GRTP1: variants seen among roughly 807,000 people sequenced by gnomAD.
The protein encoded by GRTP1 is growth hormone regulated TBC protein 1, also known as growth hormone-regulated TBC protein 1.
GRTP1 carries 56 observed loss-of-function variants against 38.1 expected under a neutral mutation model. That is an observed-to-expected ratio of 1.47 (90% CI 1.19 to 1.84). The LOEUF (loss-of-function observed/expected upper bound fraction) is 1.84, where lower values mean the gene tolerates loss of function less well. Ranked by LOEUF, GRTP1 falls within the 40% of genes most tolerant of loss-of-function variation. The pLI is 0.00. For missense variants in GRTP1, 506 were observed against 453.9 expected (o/e 1.11, Z -1.04); for synonymous variants, 217 against 189.5 (o/e 1.14, Z -1.19).
chr13:113,327,606 T>G (rs1184210138), intron 5 of GRTP1, among the ~76,000 whole-genome samples: 2 of 152,232 alleles, frequency 1.3e-5, no homozygotes, highest in Non-Finnish European at 2.9e-5. Context: ...TACTAACGCC[T>G]CTGAAGGTGA....
intron 4 of GRTP1, 50 bp from the exon 5 acceptor site, chr13:113,345,009 A>G: frequency 6.4e-7 from 1 of 1,561,792 alleles, no homozygotes; most frequent in Admixed American, 2.0e-5. Context: ...TTAAGCCCCC[A>G]TTTGATTCTG....
chr13:113,358,416 C>T (rs2139533975), intron 2 of GRTP1, among the ~76,000 whole-genome samples: 1 of 152,240 alleles, frequency 6.6e-6, no homozygotes, highest in East Asian at 1.9e-4. Context: ...CTACAGATTC[C>T]TATATGCACC....
At position 113,350,764 on chromosome 13, in the gene GRTP1, G is replaced by A. The variant is rs1053976658; in HGVS notation, c.465+85C>T. 116 of 1,271,904 alleles carry A rather than the reference G, an allele frequency of 9.1e-5. 1 individual carries two copies. In the South Asian group the frequency reaches 1.1e-3, roughly 12 times the overall value. The allele number at this position is 1,271,904 out of a possible 1,614,324, so 78.8% of individuals were successfully genotyped here. A position where few individuals can be genotyped will look rare whatever the true frequency, so the allele number is the denominator to read the frequency against. ...ATTCATGAACAGGGTTGACAGAGAC[G>A]TGAGGCCGTCACTGCCGAGCCTGCA... On this transcript the variant is annotated intron_variant, in intron 4 of 7. Coordinates refer to ENST00000375431, the MANE Select transcript of GRTP1 (RefSeq NM_024719.4).
In GRTP1 at chr13:113,348,640, G is replaced by T. The variant is rs979462948; in HGVS notation, c.465+2209C>A. On this transcript the variant is annotated intron_variant, in intron 4 of 7. Transcript: ENST00000375431. This position sits in a 1 kb window ranked among gnomAD's most constrained non-coding sequence, Gnocchi z 4.8. ...TCCAAGCCTGGTGTCCTTGTCTTAC[G>T]TGGAGCTTTAGACACAGGCATGCAC... 3.9e-5 allele frequency among the ~76,000 whole-genome samples: 6 copies of T among 152,112 alleles called. No individual in the cohort carries two copies. The highest frequency in any genetic ancestry group is 3.3e-4 in the Admixed American group (5 of 15,272).
In GRTP1 at chr13:113,326,398, C is replaced by T. The variant is rs1269732945; in HGVS notation, c.563-307G>A. ...GCGGTGGGGGGGGGGGGGGCGGGAG[C>T]GTGGCTCACACCTGTAATCCCAGCA... is the stretch of plus-strand genomic sequence containing the variant. On this transcript the variant is annotated intron_variant, in intron 5 of 7. Transcript: ENST00000375431. 2.0e-4 allele frequency among the ~76,000 whole-genome samples: 12 copies of T among 60,950 alleles called. No individual in the cohort carries two copies. The East Asian group carries it at 4.0e-3, about 21-fold the overall frequency. The allele number at this position is 60,950 out of a possible 152,430, so 40.0% of individuals were successfully genotyped here. A position where few individuals can be genotyped will look rare whatever the true frequency, so the allele number is the denominator to read the frequency against.
chr13:113,329,135 G>C (rs1037215831), intron 5 of GRTP1, among the ~76,000 whole-genome samples: 1 of 152,158 alleles, frequency 6.6e-6, no homozygotes, highest in African/African-American at 2.4e-5. Flanking sequence ...TTCAGTCTTC[G>C]GCCAGTCCCA....
intron 5 of GRTP1, among the ~76,000 whole-genome samples, chr13:113,340,214 G>A (rs142595981): frequency 5.0e-4 from 76 of 152,134 alleles, no homozygotes; most frequent in African/African-American, 1.8e-3. Flanking sequence ...TTAAAAAACA[G>A]GAATTAATCA....
At chr13:113,361,002 C>G (rs1012762143) in intron 2 of GRTP1, among the ~76,000 whole-genome samples, 20 of 150,642 alleles carry the variant, frequency 1.3e-4, no homozygotes, top group Admixed American at 1.0e-3. Flanking sequence ...CCCAGTTACT[C>G]AGGAGGCTGA....
At chr13:113,363,568 C>A (rs1420128532) in intron 2 of GRTP1, among the ~76,000 whole-genome samples, 194 bp downstream of exon 2, 2 of 152,204 alleles carry the variant, frequency 1.3e-5, no homozygotes, top group South Asian at 4.1e-4. Context: ...TCCTTCGCGT[C>A]CGACCCGCCG....
rs994666716 is a variant in GRTP1, at chr13:113,336,568, G to A, written c.562+8295C>T. Among the ~76,000 whole-genome samples, 5 of 151,900 alleles carry A rather than the reference G, an allele frequency of 3.3e-5. No homozygotes were observed. The East Asian group carries it at 9.8e-4, about 30-fold the overall frequency. ...CGTGGTTGGGGGCGAGGTGAGGGGGGCTGGCTTCAGAGCCACCCGCTGGGG... is the reference window on the plus strand; with the variant it reads ...CGTGGTTGGGGGCGAGGTGAGGGGGACTGGCTTCAGAGCCACCCGCTGGGG... On this transcript the variant is annotated intron_variant, in intron 5 of 7. Transcript: ENST00000375431.
chr13:113,345,740 G>A (rs1002678551), intron 4 of GRTP1, among the ~76,000 whole-genome samples: 35 of 152,358 alleles, frequency 2.3e-4, no homozygotes, highest in African/African-American at 9.6e-5. Flanking sequence ...GGGATGTGGC[G>A]CTGTTCACCC....
chr13:113,363,189 G>A (rs2043529694), intron 2 of GRTP1, among the ~76,000 whole-genome samples: 1 of 152,174 alleles, frequency 6.6e-6, no homozygotes, highest in Admixed American at 6.5e-5. Flanking sequence ...TCGCGGAGGA[G>A]CGGCAGGTCG....
intron 2 of GRTP1, 114 bp downstream of exon 2, chr13:113,363,648 C>A: frequency 8.9e-7 from 1 of 1,123,664 alleles, no homozygotes; most frequent in South Asian, 1.5e-5. Flanking sequence ...TCGTCCCGAC[C>A]TGCCCGGAAA....
chr13:113,354,455 T>C (rs932126234), intron 3 of GRTP1, among the ~76,000 whole-genome samples: 2 of 152,230 alleles, frequency 1.3e-5, no homozygotes, highest in African/African-American at 4.8e-5. Context: ...TGTTTAAATG[T>C]GTATTTCTCA....
chr13:113,332,970 C>T (rs543657715), intron 5 of GRTP1, among the ~76,000 whole-genome samples: 6 of 152,330 alleles, frequency 3.9e-5, no homozygotes, highest in South Asian at 2.1e-4. Context: ...ACTGACCAAC[C>T]GCCTTCTAGT....
chr13:113,337,463 G>A (rs2042969048), intron 5 of GRTP1, among the ~76,000 whole-genome samples: 1 of 152,152 alleles, frequency 6.6e-6, no homozygotes, highest in South Asian at 2.1e-4. Flanking sequence ...GCTATAACTA[G>A]GAGACCCTGA....
intron 5 of GRTP1, among the ~76,000 whole-genome samples, chr13:113,328,812 G>A (rs1161879146): frequency 1.3e-5 from 2 of 152,232 alleles, no homozygotes; most frequent in African/African-American, 4.8e-5. Context: ...ATTCCCAGGG[G>A]CGTCTCCCTC....
intron 4 of GRTP1, among the ~76,000 whole-genome samples, chr13:113,347,941 A>T (rs796385872): frequency 2.0e-3 from 181 of 89,596 alleles, no homozygotes; most frequent in Middle Eastern, 9.4e-3. Context: ...AGGACCTCTG[A>T]GGCCGAGAGC....
chr13:113,342,219 C>T lies in GRTP1; in HGVS notation c.562+2644G>A, dbSNP rs1404651609. On this transcript the variant is annotated intron_variant, in intron 5 of 7. Transcript: ENST00000375431. The surrounding 1 kb of genome is among the most constrained non-coding windows in gnomAD (Gnocchi z 4.5). ...AAAGTGCTAGGATTACAGGCGTGAG[C>T]CACGGCTCCTGGCTGTCACTTTTTA... Among the ~76,000 whole-genome samples, 4 of 152,190 alleles carry T rather than the reference C, an allele frequency of 2.6e-5. No homozygotes were observed. Among genetic ancestry groups the T allele is most frequent in the African/African-American group, 9.7e-5 (4 of 41,436 alleles).
Sources: allele counts gnomAD v4.1 joint callset (sites outside exome capture counted in the v4.1 genomes callset), GRCh38; gene constraint gnomAD v4.1.1; non-coding constraint Gnocchi (gnomAD v3.1); transcripts MANE v1.5; gene names NCBI Gene and HGNC (gene_info 2026-07-23, HGNC 2026-07-21).